Variants in ADAMTS12 observed in about 807,000 individuals in gnomAD.
ADAMTS12 encodes the protein A disintegrin and metalloproteinase with thrombospondin motifs 12.
In ADAMTS12, 118 loss-of-function variants were observed where a neutral mutation model predicts 167.8. That is an observed-to-expected ratio of 0.70 (90% CI 0.61 to 0.82). The LOEUF is 0.82. ADAMTS12 is among the 40% of genes least tolerant of loss of function. The pLI, the probability that ADAMTS12 is intolerant of heterozygous loss-of-function variation, is 0.00. For missense variants in ADAMTS12, 1,916 were observed against 1,998.8 expected, an observed-to-expected ratio of 0.96 and a Z score of 0.79; for synonymous variants, 704 against 716.9, an observed-to-expected ratio of 0.98 and a Z score of 0.29.
intron 20 of ADAMTS12, among the ~76,000 whole-genome samples, chr5:33,552,644 A>C (rs1472879122): frequency 6.6e-6 from 1 of 152,204 alleles, no homozygotes; most frequent in Non-Finnish European, 1.5e-5. Flanking sequence ...ACACATTCAT[A>C]AGACCCTTAA....
chr5:33,592,059 A>G (rs905748615), intron 17 of ADAMTS12, among the ~76,000 whole-genome samples: 2 of 146,790 alleles, frequency 1.4e-5, no homozygotes, highest in Non-Finnish European at 3.0e-5. Context: ...CGTCTCTACT[A>G]AAAAAAAAAG....
Position 33,549,195 on chromosome 5 carries a change from TG to T in ADAMTS12, c.4302+11del. ...TTGTGTGAGGACATCTCTCCCTTTG[TG>T]GGGGACCTACCTGGCTCCAAGGCTC... On this transcript the variant is annotated intron_variant, in intron 21 of 23. Coordinates refer to ENST00000504830, the MANE Select transcript of ADAMTS12 (RefSeq NM_030955.4). The T allele has an allele frequency of 6.2e-7, 1 of 1,610,832 alleles. No individual in the cohort carries two copies. The highest frequency in any genetic ancestry group is 8.5e-7 in the Non-Finnish European group (1 of 1,177,412).
intron 2 of ADAMTS12, among the ~76,000 whole-genome samples, chr5:33,762,475 T>G (rs1745393944): frequency 6.6e-6 from 1 of 151,798 alleles, no homozygotes; most frequent in South Asian, 2.1e-4. Flanking sequence ...GCTACTGCAC[T>G]CCAGCCTGGG....
intron 2 of ADAMTS12, among the ~76,000 whole-genome samples, chr5:33,769,366 G>A (rs1055444077): frequency 5.9e-5 from 9 of 152,156 alleles, no homozygotes; most frequent in African/African-American, 1.4e-4. Context: ...TGGAGGGACC[G>A]TGCCAACCAG....
At position 33,788,487 on chromosome 5, in the gene ADAMTS12, A is replaced by C. The variant is rs999227802; in HGVS notation, c.490-36939T>G. ...GAGAGAGAAAAGGTAGGACTGCTAA[A>C]ATATGCCAGGTTCAGGTGCACACAA... On this transcript the variant is annotated intron_variant, in intron 2 of 23. Transcript: ENST00000504830. 2.0e-5 allele frequency among the ~76,000 whole-genome samples: 3 copies of C among 152,100 alleles called. No individual in the cohort carries two copies. In the East Asian group the frequency reaches 5.8e-4, roughly 29 times the overall value.
chr5:33,826,851 T>C (rs1241190232), intron 2 of ADAMTS12, among the ~76,000 whole-genome samples: 1 of 152,106 alleles, frequency 6.6e-6, no homozygotes, highest in Non-Finnish European at 1.5e-5. Context: ...CAGCCATCTA[T>C]GTGTTTGGAT....
chr5:33,589,969 CA>C (rs939695825), intron 17 of ADAMTS12, among the ~76,000 whole-genome samples: 1 of 152,132 alleles, frequency 6.6e-6, no homozygotes, highest in Admixed American at 6.5e-5. Context: ...TCATATTCTT[CA>C]TTTAATAAGT....
At position 33,588,761 on chromosome 5, in the gene ADAMTS12, G is replaced by T. The variant is rs754083071; in HGVS notation, c.2703C>A (p.His901Gln). ...WEACSATCGP[H>Q]GEKKRTVLCI... ...ACAGCACGGTTCGCTTCTTCTCCCC[G>T]TGGGGCCCGCATGTCGCCGAGCATG... The change falls in exon 18 of 24, where the codon CAC (histidine) becomes CAA (glutamine). Residue 901 changes from histidine (H) to glutamine (Q), a missense_variant. Transcript: ENST00000504830. 6.2e-7 allele frequency: 1 copy of T among 1,613,968 alleles called. No individual in the cohort carries two copies. Among genetic ancestry groups the T allele is most frequent in the East Asian group, 2.2e-5 (1 of 44,876 alleles).
rs1460806394 is a variant in ADAMTS12 at position 33,527,116 on chromosome 5, AG to A, written c.*71del. On this transcript the variant is annotated 3_prime_UTR_variant, in exon 24 of 24. Transcript: ENST00000504830. The stretch of plus-strand genomic sequence containing the variant: ...ATATGAAGCAAAACCTCAACGAAGC[AG>A]CTCCCAGGGCTAAAGCATGTCATGG... 1 of 1,554,644 alleles carries A rather than the reference AG, an allele frequency of 6.4e-7. No homozygotes were observed.
chr5:33,671,240 G>A (rs538168327), intron 5 of ADAMTS12, among the ~76,000 whole-genome samples: 7 of 152,266 alleles, frequency 4.6e-5, no homozygotes, highest in South Asian at 2.1e-4. Flanking sequence ...AATGTTAATT[G>A]TGGTGATGGT....
At chr5:33,661,413 C>G (rs1402826196) in intron 6 of ADAMTS12, among the ~76,000 whole-genome samples, 3 of 152,164 alleles carry the variant, frequency 2.0e-5, no homozygotes, top group Admixed American at 2.0e-4. Flanking sequence ...AAGATGTAAC[C>G]AAACCAGTCT....
intron 2 of ADAMTS12, among the ~76,000 whole-genome samples, chr5:33,859,658 G>C (rs536938703): frequency 6.6e-6 from 1 of 152,320 alleles, no homozygotes; most frequent in East Asian, 1.9e-4. Context: ...CTCAAGCTCT[G>C]CTAAGGGACA....
intron 2 of ADAMTS12, among the ~76,000 whole-genome samples, chr5:33,755,885 A>C (rs34072316): frequency 6.6e-6 from 1 of 152,152 alleles, no homozygotes; most frequent in African/African-American, 2.4e-5. Context: ...AACAGAAAAA[A>C]AATTGAGGAT....
At chr5:33,863,409 A>G (rs1749695714) in intron 2 of ADAMTS12, among the ~76,000 whole-genome samples, 1 of 152,224 alleles carries the variant, frequency 6.6e-6, no homozygotes, top group South Asian at 2.1e-4. Context: ...ATAGGCAAAC[A>G]GAGAGCCAAA....
At chr5:33,801,044 A>T (rs1275530146) in intron 2 of ADAMTS12, among the ~76,000 whole-genome samples, 1 of 152,230 alleles carries the variant, frequency 6.6e-6, no homozygotes, top group Non-Finnish European at 1.5e-5. Context: ...CCATGGAGTC[A>T]GAAATTGAAG....
chr5:33,791,995 CTTTTTT>C (rs746021718), intron 2 of ADAMTS12, among the ~76,000 whole-genome samples: 2 of 119,364 alleles, frequency 1.7e-5, no homozygotes, highest in Non-Finnish European at 3.4e-5. Context: ...TGCTTTCACA[CTTTTTT>C]TTTTTTTTTT....
intron 2 of ADAMTS12, among the ~76,000 whole-genome samples, chr5:33,864,391 G>C (rs1165146827): frequency 6.6e-6 from 1 of 152,236 alleles, no homozygotes; most frequent in Non-Finnish European, 1.5e-5. Flanking sequence ...CCATTGGTGA[G>C]AGTGTAAATT....
At chr5:33,613,486 G>T (rs533832976) in intron 16 of ADAMTS12, among the ~76,000 whole-genome samples, 1 of 152,226 alleles carries the variant, frequency 6.6e-6, no homozygotes, top group East Asian at 1.9e-4. Flanking sequence ...GATGTGAGTG[G>T]AAGTGACTTG....
At chr5:33,661,620 G>A (rs1301875707) in intron 6 of ADAMTS12, among the ~76,000 whole-genome samples, 1 of 152,178 alleles carries the variant, frequency 6.6e-6, no homozygotes, top group Non-Finnish European at 1.5e-5. Context: ...ATTGTTTATA[G>A]AGCTACATGA....
Sources: gnomAD v4.1 joint callset for allele counts (sites outside exome capture counted in the v4.1 genomes callset) on GRCh38, gnomAD v4.1.1 for gene constraint, MANE v1.5 for transcripts, NCBI Gene and HGNC (gene_info 2026-07-23, HGNC 2026-07-21) for gene names.